Variants in DYNC2I2 observed in about 807,000 individuals in gnomAD.
DYNC2I2 encodes dynein 2 intermediate chain 2, also known as cytoplasmic dynein 2 intermediate chain 2.
In DYNC2I2, 39 loss-of-function variants were observed where a neutral mutation model predicts 52.0. That is an observed-to-expected ratio of 0.75 (90% confidence interval 0.58 to 0.98). The LOEUF (loss-of-function observed/expected upper bound fraction) is 0.98, where lower values mean the gene tolerates loss of function less well. Ranked by LOEUF, DYNC2I2 falls within the 50% of genes least tolerant of loss-of-function variation. The pLI, the probability that DYNC2I2 is intolerant of heterozygous loss-of-function variation, is 0.00. For missense variants in DYNC2I2, 743 were observed against 728.4 expected, an observed-to-expected ratio of 1.02 and a Z score of -0.23; for synonymous variants, 359 against 321.1, an observed-to-expected ratio of 1.12 and a Z score of -1.26.
chr9:128,653,229 A>C (rs1467397111), intron 1 of DYNC2I2, among the ~76,000 whole-genome samples: 1 of 150,616 alleles, frequency 6.6e-6, no homozygotes, highest in Non-Finnish European at 1.5e-5. Context: ...ACTCCGTCTC[A>C]CACACAAAAA....
chr9:128,642,321 T>C (rs957144668), intron 1 of DYNC2I2, among the ~76,000 whole-genome samples: 1 of 143,442 alleles, frequency 7.0e-6, no homozygotes, highest in African/African-American at 2.6e-5. Flanking sequence ...CCGGGTGTGG[T>C]GGCGCGTGCC....
At chr9:128,635,589 T>A in intron 5 of DYNC2I2, 69 bp downstream of exon 5, 1 of 1,418,400 alleles carries the variant, frequency 7.1e-7, no homozygotes, top group Non-Finnish European at 9.7e-7. Flanking sequence ...GTGACCTTCC[T>A]AGGAGAGTGG....
At chr9:128,642,286 C>CAA (rs34133160) in intron 1 of DYNC2I2, among the ~76,000 whole-genome samples, 5,014 of 88,758 alleles carry the variant, frequency 0.056, 397 homozygotes, top group African/African-American at 0.18. Context: ...GACTCCGTCT[C>CAA]AAAAAAAAAA....
At chr9:128,664,251 C>T in the DYNC2I2 span, among the ~76,000 whole-genome samples, 1 of 150,980 alleles carries the variant, frequency 6.6e-6, no homozygotes, top group African/African-American at 2.4e-5. Context: ...CACGCCCAGC[C>T]TGTTTAGCAT....
intron 4 of DYNC2I2, 192 bp from the exon 5 acceptor site, chr9:128,635,959 G>A (rs955827802): frequency 1.0e-5 from 7 of 672,112 alleles, no homozygotes; most frequent in African/African-American, 1.8e-5. Flanking sequence ...GAGCTTTGCC[G>A]GACACCCCTG....
upstream of DYNC2I2, among the ~76,000 whole-genome samples, chr9:128,659,460 A>G (rs916320475): frequency 1.4e-5 from 2 of 147,956 alleles, no homozygotes; most frequent in Admixed American, 1.4e-4. Flanking sequence ...GCACCACTGC[A>G]CTCCAGCCTG....
intron 1 of DYNC2I2, among the ~76,000 whole-genome samples, chr9:128,644,101 G>A (rs941555219): frequency 6.6e-6 from 1 of 152,152 alleles, no homozygotes; most frequent in Non-Finnish European, 1.5e-5. Flanking sequence ...CAGTTGGTAA[G>A]AGCTCACTTC....
At chr9:128,662,001 C>A in the DYNC2I2 span, among the ~76,000 whole-genome samples, 7 of 151,884 alleles carry the variant, frequency 4.6e-5, no homozygotes, top group South Asian at 1.5e-3. Flanking sequence ...GAGATTGCAC[C>A]CCTGCAATCC....
the DYNC2I2 span, among the ~76,000 whole-genome samples, chr9:128,679,353 G>A: frequency 2.0e-5 from 3 of 152,158 alleles, no homozygotes; most frequent in Non-Finnish European, 2.9e-5. Context: ...ATCGATGAGG[G>A]ACATGGGTGA....
At chr9:128,634,431 G>T (rs1284234466) in intron 7 of DYNC2I2, 48 bp from the exon 8 acceptor site, 6 of 1,527,248 alleles carry the variant, frequency 3.9e-6, no homozygotes, top group Middle Eastern at 2.0e-4. Flanking sequence ...GCTGGGGTCT[G>T]GGTGGTGCTG....
At chr9:128,669,509 G>A in the DYNC2I2 span, among the ~76,000 whole-genome samples, 4 of 152,130 alleles carry the variant, frequency 2.6e-5, no homozygotes, top group African/African-American at 9.7e-5. Flanking sequence ...ACCAGCATGA[G>A]CAACATGGAG....
intron 7 of DYNC2I2, 112 bp downstream of exon 7, chr9:128,634,577 G>T: frequency 7.6e-7 from 1 of 1,316,854 alleles, no homozygotes; most frequent in Non-Finnish European, 1.0e-6. Flanking sequence ...ACGGGTCTCA[G>T]AGTGGGCAGA....
chr9:128,653,586 T>C (rs10819426), intron 1 of DYNC2I2, among the ~76,000 whole-genome samples: 109,800 of 149,028 alleles, frequency 0.74, 44,002 homozygotes, highest in Non-Finnish European at 0.89. Context: ...CGTGCTGGCA[T>C]GCACCTGTAG....
chr9:128,655,110 GCATCT>G (rs1860791857), intron 1 of DYNC2I2, among the ~76,000 whole-genome samples: 1 of 151,820 alleles, frequency 6.6e-6, no homozygotes, highest in Admixed American at 6.6e-5. Flanking sequence ...TGAGCACGCA[GCATCT>G]CATCTCATCA....
rs1156343545 is a variant in DYNC2I2, at chr9:128,641,707, C to T, written c.187-768G>A. On this transcript the variant is annotated intron_variant, in intron 1 of 8. Coordinates refer to ENST00000372715, the MANE Select transcript of DYNC2I2 (RefSeq NM_052844.4). ...ACAATGACAAGGCCCTGGACTGCCA[C>T]ACTCCCTCCTTCCCATCTCATGCGG... 5.9e-5 allele frequency among the ~76,000 whole-genome samples: 9 copies of T among 152,248 alleles called. No homozygotes were observed. In the East Asian group the frequency reaches 1.7e-3, roughly 29 times the overall value.
chr9:128,673,749 G>A, the DYNC2I2 span, among the ~76,000 whole-genome samples: 2 of 150,718 alleles, frequency 1.3e-5, no homozygotes, highest in South Asian at 2.1e-4. Context: ...CTCGTGATCC[G>A]CCCCCCTAGG....
At chr9:128,669,237 C>T in the DYNC2I2 span, among the ~76,000 whole-genome samples, 1 of 151,936 alleles carries the variant, frequency 6.6e-6, no homozygotes. Flanking sequence ...TGGTGGCATG[C>T]GCCTGTAGTC....
Position 128,656,681 on chromosome 9 carries a change from C to T in DYNC2I2, c.46G>A (p.Ala16Thr). Residue 16 changes from alanine to threonine, a missense_variant, in exon 1 of 9, where the codon GCT becomes ACT. Ala to Thr is a moderately conservative substitution (Grantham distance 58, BLOSUM62 0). Coordinates refer to ENST00000372715, the MANE Select transcript of DYNC2I2 (RefSeq NM_052844.4). The stretch of plus-strand genomic sequence containing the variant: ...ACTGTCGCCAGCGCCGCAACACCAG[C>T]GCTTCCCGCCTGGCTGAGTGGCCCC... The part of the protein sequence containing the change: ...QPGPLSQAGS[A>T]GVAALATVGV... 2.0e-6 allele frequency: 3 copies of T among 1,498,050 alleles called. No individual in the cohort carries two copies. Among genetic ancestry groups the T allele is most frequent in the Admixed American group, 2.5e-5 (1 of 40,746 alleles). 92.8% of individuals were successfully genotyped at this position (1,498,050 alleles called of 1,614,324 possible). A position where few individuals can be genotyped will look rare whatever the true frequency, so the allele number is the denominator to read the frequency against.
chr9:128,661,304 CAAAAAAAAAAA>C (rs34937317), upstream of DYNC2I2, among the ~76,000 whole-genome samples: 1 of 62,220 alleles, frequency 1.6e-5, no homozygotes. Flanking sequence ...GACTCCATCT[CAAAAAAAAAAA>C]AAAAAAAACA....
Sources: gnomAD v4.1 joint callset for allele counts (sites outside exome capture counted in the v4.1 genomes callset) on GRCh38, gnomAD v4.1.1 for gene constraint, MANE v1.5 for transcripts, NCBI Gene and HGNC (gene_info 2026-07-23, HGNC 2026-07-21) for gene names.